ATRX: variants seen among roughly 807,000 people sequenced by gnomAD.
The protein encoded by ATRX is chromatin remodeler ATRX.
Under a neutral mutation model 172.6 loss-of-function variants are expected in ATRX, and 12 were observed. The ratio of observed to expected loss-of-function variants is 0.07; its 90% CI spans 0.04 to 0.11. ATRX has a LOEUF of 0.11. Among genes scored for constraint, ATRX ranks in the 10% least tolerant of loss-of-function variants. The pLI is 1.00. For synonymous variants in ATRX, 674 were observed against 594.7 expected, an observed-to-expected ratio of 1.13 and a Z score of -1.94; for missense variants, 1,368 against 1,767.4, an observed-to-expected ratio of 0.77 and a Z score of 4.05.
chrX:77,712,233 T>C (rs2073146428), intron 2 of ATRX, among the ~76,000 whole-genome samples: 1 of 112,077 alleles, frequency 8.9e-6, no homozygotes, highest in South Asian at 3.7e-4. Context: ...TGCCACTTCT[T>C]CTTCCATGTG....
chrX:77,763,660 G>T (rs782083651), intron 1 of ATRX, among the ~76,000 whole-genome samples: 1 of 98,846 alleles, frequency 1.0e-5, no homozygotes, highest in African/African-American at 3.7e-5. Flanking sequence ...TAGTAGAGAC[G>T]GGGTTTCACC....
chrX:77,569,655 A>G (rs1406947740), intron 28 of ATRX, among the ~76,000 whole-genome samples: 12 of 112,088 alleles, frequency 1.1e-4, no homozygotes, highest in African/African-American at 3.6e-4. Flanking sequence ...CATTTACAAT[A>G]ACTCAAAAAG....
At chrX:77,577,729 C>G (rs1209828916) in intron 27 of ATRX, among the ~76,000 whole-genome samples, 1 of 111,424 alleles carries the variant, frequency 9.0e-6, no homozygotes, top group Non-Finnish European at 1.9e-5. Flanking sequence ...TTCCAAAAAA[C>G]AGAAACAGGA....
At chrX:77,653,355 T>C (rs1247453700) in intron 14 of ATRX, among the ~76,000 whole-genome samples, 2 of 112,289 alleles carry the variant, frequency 1.8e-5, no homozygotes, top group Non-Finnish European at 3.8e-5. Flanking sequence ...CAATGGAATA[T>C]TATTCACCTT....
At chrX:77,761,204 A>G (rs1186315468) in intron 1 of ATRX, among the ~76,000 whole-genome samples, 1 of 111,583 alleles carries the variant, frequency 9.0e-6, no homozygotes, top group Non-Finnish European at 1.9e-5. Flanking sequence ...TAATTGTTAA[A>G]TGGAAAATTT....
chrX:77,692,744 C>T (rs928054781), intron 6 of ATRX, among the ~76,000 whole-genome samples: 1 of 110,947 alleles, frequency 9.0e-6, no homozygotes, highest in African/African-American at 3.3e-5. Context: ...ATATAGGCAC[C>T]ATTTAAGAAT....
chrX:77,735,233 G>A (rs1049483927), intron 1 of ATRX, among the ~76,000 whole-genome samples: 1 of 110,631 alleles, frequency 9.0e-6, no homozygotes, highest in African/African-American at 3.3e-5. Flanking sequence ...AGGCCGAGAC[G>A]GCCAGACCAC....
chrX:77,684,597 A>C lies in ATRX; in HGVS notation c.663-4T>G, dbSNP rs2071448945. ...GTTTCCACCTTCCGCACACCACCTG[A>C]AATGTTTTAAAGATTAAAACATTAT... On this transcript the variant is annotated splice_region_variant and splice_polypyrimidine_tract_variant and intron_variant, in intron 8 of 34. Transcript: ENST00000373344. The C allele has an allele frequency of 8.3e-7, 1 of 1,201,584 alleles. No individual in the cohort carries two copies. Among genetic ancestry groups the C allele is most frequent in the Non-Finnish European group, 1.1e-6 (1 of 887,967 alleles).
chrX:77,692,853 G>C (rs1259064814), intron 6 of ATRX, among the ~76,000 whole-genome samples: 1 of 96,005 alleles, frequency 1.0e-5, no homozygotes, highest in African/African-American at 3.9e-5. Context: ...TAGAGTGTGT[G>C]TGTGTGTGTG....
intron 28 of ATRX, among the ~76,000 whole-genome samples, chrX:77,567,486 A>G (rs1316207885): frequency 9.0e-6 from 1 of 111,256 alleles, no homozygotes; most frequent in African/African-American, 3.3e-5. Context: ...CAGATTTCAG[A>G]GCAAAGAAGA....
intron 1 of ATRX, among the ~76,000 whole-genome samples, chrX:77,775,564 G>A (rs1557201807): frequency 9.0e-6 from 1 of 110,556 alleles, no homozygotes; most frequent in Non-Finnish European, 1.9e-5. Context: ...TGCACCTATA[G>A]TCCCAGATAT....
At position 77,557,497 on chromosome X, in the gene ATRX, G is replaced by A. The variant is rs2147941337; in HGVS notation, c.6653C>T (p.Pro2218Leu). ...CCTCTTCTTCTTCTTTTCTGAATTA[G>A]GGTCATCTAATAAGTCTGGCTCAAA... ...YTFEPDLLDD[P>L]NSEKKKKRDT... is the part of the protein sequence containing the mutation. Residue 2218 changes from proline to leucine, a missense_variant, in exon 30 of 35, where the codon CCT becomes CTT. Transcript: ENST00000373344. 8.3e-7 allele frequency: 1 copy of A among 1,209,673 alleles called. No homozygotes were observed. Among genetic ancestry groups the A allele is most frequent in the South Asian group, 1.8e-5 (1 of 56,881 alleles).
At chrX:77,696,429 C>T in intron 5 of ATRX, 148 bp downstream of exon 5, 1 of 570,471 alleles carries the variant, frequency 1.8e-6, no homozygotes, top group South Asian at 3.0e-5. Flanking sequence ...TTATCATTGG[C>T]ATACAAATAT....
chrX:77,552,277 C>T (rs1557056679), intron 30 of ATRX, among the ~76,000 whole-genome samples: 1 of 110,272 alleles, frequency 9.1e-6, no homozygotes, highest in Non-Finnish European at 1.9e-5. Context: ...GAATACTATG[C>T]AGCCATAAAA....
chrX:77,713,852 C>T (rs1012612643), intron 2 of ATRX, among the ~76,000 whole-genome samples: 7 of 111,216 alleles, frequency 6.3e-5, no homozygotes, highest in African/African-American at 2.0e-4. Context: ...ACCGCAAATC[C>T]CCAGAAATTA....
intron 30 of ATRX, among the ~76,000 whole-genome samples, chrX:77,537,863 A>T (rs2063808653): frequency 1.8e-5 from 2 of 111,523 alleles, no homozygotes; most frequent in Non-Finnish European, 3.8e-5. Context: ...ATGTATTTTT[A>T]AAAACTTAGC....
intron 30 of ATRX, 90 bp from the exon 31 acceptor site, chrX:77,523,491 ACT>A: frequency 1.1e-6 from 1 of 934,613 alleles, no homozygotes. Flanking sequence ...TGTACTAGAA[ACT>A]AAAACCTGAT....
chrX:77,656,730 C>T (rs1034793278), intron 12 of ATRX, 77 bp from the exon 13 acceptor site: 6 of 824,478 alleles, frequency 7.3e-6, no homozygotes, highest in Non-Finnish European at 1.0e-5. Context: ...ACCACTGACT[C>T]GACATTAAAA....
Position 77,683,776 on chromosome X carries a change from T to C in ATRX, c.1480A>G (p.Lys494Glu), listed in dbSNP as rs1394070657. Residue 494 changes from lysine (K) to glutamate (E), a missense_variant, in exon 9 of 35, where the codon AAG (lysine) becomes GAG (glutamate). Transcript: ENST00000373344. The stretch of plus-strand genomic sequence containing the variant: ...GGTTCTTCTTTTCTATCAGATTTCT[T>C]ATGTTCACCACCGGTACTTTTATTT... ...RTNKSTGGEH[K>E]KSDRKEEPQY... is the part of the protein sequence containing the mutation. 3 of 1,208,741 alleles carry C rather than the reference T, an allele frequency of 2.5e-6. No individual in the cohort carries two copies. Among genetic ancestry groups the C allele is most frequent in the Admixed American group, 2.2e-5 (1 of 45,758 alleles).
Sources: gnomAD v4.1 joint callset for allele counts (sites outside exome capture counted in the v4.1 genomes callset) on GRCh38, gnomAD v4.1.1 for gene constraint, MANE v1.5 for transcripts, NCBI Gene and HGNC (gene_info 2026-07-23, HGNC 2026-07-21) for gene names.